The following MSL2 variants were observed in gnomAD, a reference collection of about 807,000 sequenced individuals.
MSL2 encodes E3 ubiquitin-protein ligase MSL2.
A neutral mutation model predicts 35.8 loss-of-function variants in MSL2; 2 were observed. The ratio of observed to expected loss-of-function variants is 0.06; its 90% CI spans 0.02 to 0.18. The LOEUF (loss-of-function observed/expected upper bound fraction) is 0.18, where lower values mean the gene tolerates loss of function less well. Among genes scored for constraint, MSL2 ranks in the 10% least tolerant of loss-of-function variants. The pLI is 1.00. For synonymous variants in MSL2, 296 were observed against 255.7 expected (o/e 1.16, Z -1.50); for missense variants, 523 against 706.7 (o/e 0.74, Z 2.95).
rs1352296952 is a variant in MSL2 at position 136,195,272 on chromosome 3, G to A, written c.-159C>T. On this transcript the variant is annotated 5_prime_UTR_variant, in exon 1 of 2. Coordinates refer to ENST00000309993, the MANE Select transcript of MSL2 (RefSeq NM_018133.4). ...ACCAAAATCCGTGCAAGTTTGTGGA[G>A]CTGAAACAATCCTCCCACACATGGG... The A allele has an allele frequency of 1.4e-6, 2 of 1,454,970 alleles. No homozygotes were observed. The highest frequency in any genetic ancestry group is 1.8e-6 in the Non-Finnish European group (2 of 1,109,862). 90.1% of individuals were successfully genotyped at this position (1,454,970 alleles called of 1,614,324 possible).
chr3:136,189,476 G>C (rs1446657258), intron 1 of MSL2, among the ~76,000 whole-genome samples: 1 of 147,986 alleles, frequency 6.8e-6, no homozygotes, highest in East Asian at 2.0e-4. Context: ...TGTAATCTCA[G>C]CACTTTGGGA....
intron 1 of MSL2, among the ~76,000 whole-genome samples, chr3:136,180,786 GA>G (rs1940324174): frequency 1.3e-5 from 1 of 76,974 alleles, no homozygotes; most frequent in African/African-American, 5.1e-5. Context: ...GGGAGGGAGG[GA>G]GGGAGGGAGG....
chr3:136,161,928 A>G (rs1939716859), intron 1 of MSL2, among the ~76,000 whole-genome samples: 1 of 152,012 alleles, frequency 6.6e-6, no homozygotes, highest in African/African-American at 2.4e-5. Context: ...AGGGAAAAAA[A>G]TACATATATA....
intron 1 of MSL2, among the ~76,000 whole-genome samples, chr3:136,171,723 T>C (rs560991038): frequency 2.0e-5 from 3 of 152,172 alleles, no homozygotes; most frequent in African/African-American, 7.2e-5. Flanking sequence ...TAACTAAATA[T>C]CTAGGTTCTT....
At chr3:136,175,090 A>G (rs920431145) in intron 1 of MSL2, among the ~76,000 whole-genome samples, 2 of 152,086 alleles carry the variant, frequency 1.3e-5, no homozygotes, top group Admixed American at 1.3e-4. Flanking sequence ...TCACGCCTAT[A>G]ATCCCAGCAC....
At chr3:136,155,693 G>A in intron 1 of MSL2, 1 of 495,136 alleles carries the variant, frequency 2.0e-6, no homozygotes, top group Non-Finnish European at 4.1e-6. Context: ...GCCTGAATGG[G>A]GGGAACTTGT....
At chr3:136,165,310 A>G (rs2108071169) in intron 1 of MSL2, among the ~76,000 whole-genome samples, 1 of 152,204 alleles carries the variant, frequency 6.6e-6, no homozygotes, top group East Asian at 1.9e-4. Flanking sequence ...TAAACGAATG[A>G]TATTTATGTG....
At chr3:136,194,950 G>C (rs747546180) in intron 1 of MSL2, 22 bp downstream of exon 1, 4 of 1,613,228 alleles carry the variant, frequency 2.5e-6, no homozygotes. Flanking sequence ...CATTGAAAAG[G>C]GAACAATAAA....
chr3:136,179,638 G>A (rs1940279901), intron 1 of MSL2, among the ~76,000 whole-genome samples: 1 of 152,112 alleles, frequency 6.6e-6, no homozygotes. Flanking sequence ...GTGATTAAAT[G>A]ATTTGAAGGA....
Position 136,151,366 on chromosome 3 carries a change from A to G in MSL2, c.1515T>C (p.Asn505=). 6.2e-7 allele frequency: 1 copy of G among 1,614,106 alleles called. No individual in the cohort carries two copies. The highest frequency in any genetic ancestry group is 1.6e-4 in the Middle Eastern group (1 of 6,062). Residue 505 remains asparagine (N), a synonymous_variant, in exon 2 of 2, where the codon AAT becomes AAC. Transcript: ENST00000309993. This position sits in a 1 kb window ranked among gnomAD's most constrained non-coding sequence, Gnocchi z 5.2. The stretch of plus-strand genomic sequence containing the variant: ...CAAATGCCTCCAGCTTCTTCTCCCC[A>G]TTGGCCATATAGGAGTTTTGGCAGC... ...CRGCQNSYMA[N]GEKKLEAFAV...
At chr3:136,190,752 T>C (rs1352258364) in intron 1 of MSL2, among the ~76,000 whole-genome samples, 1 of 152,176 alleles carries the variant, frequency 6.6e-6, no homozygotes, top group Admixed American at 6.5e-5. Flanking sequence ...TCAAGTCTCA[T>C]CTTATCAAAA....
chr3:136,169,416 T>A (rs1196152285), intron 1 of MSL2, among the ~76,000 whole-genome samples: 1 of 152,120 alleles, frequency 6.6e-6, no homozygotes, highest in African/African-American at 2.4e-5. Context: ...ACATTCCAAA[T>A]CCACTCCTAT....
At chr3:136,161,468 T>C (rs1334910222) in intron 1 of MSL2, among the ~76,000 whole-genome samples, 1 of 152,202 alleles carries the variant, frequency 6.6e-6, no homozygotes. Flanking sequence ...ACAATCCAAA[T>C]GTCCATTAAT....
At chr3:136,165,207 C>CAAAA (rs371730438) in intron 1 of MSL2, among the ~76,000 whole-genome samples, 4 of 59,334 alleles carry the variant, frequency 6.7e-5, no homozygotes, top group Admixed American at 2.0e-4. Context: ...AAGTTCGTGA[C>CAAAA]AAAAAAAAAA....
intron 1 of MSL2, among the ~76,000 whole-genome samples, chr3:136,156,604 G>A (rs1179697062): frequency 2.6e-5 from 4 of 152,060 alleles, no homozygotes; most frequent in East Asian, 1.9e-4. Flanking sequence ...AGTGGCTCAC[G>A]CCTGTAATCC....
At chr3:136,190,593 C>A (rs1273374201) in intron 1 of MSL2, among the ~76,000 whole-genome samples, 5 of 151,196 alleles carry the variant, frequency 3.3e-5, no homozygotes, top group Admixed American at 3.3e-4. Context: ...GACCATGATA[C>A]TTTCCAAGTT....
intron 1 of MSL2, among the ~76,000 whole-genome samples, chr3:136,160,870 C>T (rs927853806): frequency 7.2e-5 from 11 of 152,064 alleles, no homozygotes; most frequent in Non-Finnish European, 1.5e-5. Context: ...GGGCAGATCA[C>T]GAGGTCAGGA....
rs768698212 is a variant in MSL2, at chr3:136,152,102, A to G, written c.779T>C (p.Ile260Thr). The change falls in exon 2 of 2, where the codon ATA (isoleucine) becomes ACA (threonine). Residue 260 changes from isoleucine (I) to threonine (T), a missense_variant. Coordinates refer to ENST00000309993, the MANE Select transcript of MSL2 (RefSeq NM_018133.4). The part of the protein sequence containing the change: ...GIDICSFSED[I>T]KPGDSLLLSV... Reference sequence around the variant, plus strand: ...CAGTAACAGAGAGTCTCCAGGTTTTATATCTTCACTGAAACTGCAGATATC... The same window carrying G: ...CAGTAACAGAGAGTCTCCAGGTTTTGTATCTTCACTGAAACTGCAGATATC... 1.0e-4 allele frequency: 166 copies of G among 1,614,072 alleles called. No homozygotes were observed. Among genetic ancestry groups the G allele is most frequent in the Non-Finnish European group, 1.3e-4 (158 of 1,180,054 alleles).
In MSL2 at chr3:136,176,158, A is replaced by T. The variant is rs146820989; in HGVS notation, c.142+18814T>A. ...CAACAGTTCTTGGACAAGTAAAACTATATTCTTTGCCCAATATAGTTGTGT... is the reference window on the plus strand; with the variant it reads ...CAACAGTTCTTGGACAAGTAAAACTTTATTCTTTGCCCAATATAGTTGTGT... On this transcript the variant is annotated intron_variant, in intron 1 of 1. Transcript: ENST00000309993. Among the ~76,000 whole-genome samples, 675 of 152,326 alleles carry T rather than the reference A, an allele frequency of 4.4e-3. 4 individuals carry two copies. Among genetic ancestry groups the T allele is most frequent in the African/African-American group, 0.015 (635 of 41,576 alleles).
Sources: allele counts gnomAD v4.1 joint callset (sites outside exome capture counted in the v4.1 genomes callset), GRCh38; gene constraint gnomAD v4.1.1; non-coding constraint Gnocchi (gnomAD v3.1); transcripts MANE v1.5; gene names NCBI Gene and HGNC (gene_info 2026-07-23, HGNC 2026-07-21).